Variants in TTC23 observed in about 807,000 individuals in gnomAD.
TTC23 encodes the protein tetratricopeptide repeat protein 23.
In TTC23, 58 loss-of-function variants were observed where a neutral mutation model predicts 55.1. The ratio of observed to expected loss-of-function variants is 1.05; its 90% CI spans 0.85 to 1.31. The LOEUF (loss-of-function observed/expected upper bound fraction) is 1.31. Among genes scored for constraint, TTC23 ranks in the 50% most tolerant of loss-of-function variants. TTC23 has a pLI of 0.00. For missense variants in TTC23, 516 were observed against 534.4 expected (o/e 0.97, Z 0.34); for synonymous variants, 203 against 199.9 (o/e 1.02, Z -0.13).
At chr15:99,228,862 G>A in intron 4 of TTC23, 130 bp from the exon 5 acceptor site, 2 of 718,516 alleles carry the variant, frequency 2.8e-6, no homozygotes, top group South Asian at 2.5e-5. Flanking sequence ...GATTATGGTG[G>A]CTACTACTGA....
intron 12 of TTC23, among the ~76,000 whole-genome samples, chr15:99,141,799 A>G (rs1346755705): frequency 6.6e-6 from 1 of 152,268 alleles, no homozygotes; most frequent in Non-Finnish European, 1.5e-5. Context: ...CTTTGAAAAA[A>G]GTAACTATCA....
intron 9 of TTC23, among the ~76,000 whole-genome samples, chr15:99,187,463 AAAAAACAAAAC>A (rs1167224532): frequency 9.0e-6 from 1 of 111,580 alleles, no homozygotes; most frequent in East Asian, 2.0e-4. Flanking sequence ...AAAAAAAAAA[AAAAAACAAAAC>A]AAAAGAAACC....
chr15:99,146,501 A>G (rs1343468426), intron 12 of TTC23, among the ~76,000 whole-genome samples: 3 of 152,204 alleles, frequency 2.0e-5, no homozygotes, highest in Admixed American at 2.0e-4. Flanking sequence ...ATCCCTGGCC[A>G]TGTACCCATA....
intron 9 of TTC23, among the ~76,000 whole-genome samples, chr15:99,197,251 C>T (rs150321391): frequency 0.052 from 7,836 of 152,120 alleles, 219 homozygotes; most frequent in Non-Finnish European, 0.062. Context: ...TACAGGCGCC[C>T]GCCACCATGC....
chr15:99,142,943 C>A (rs560139632), intron 12 of TTC23, among the ~76,000 whole-genome samples: 43 of 152,328 alleles, frequency 2.8e-4, no homozygotes, highest in African/African-American at 9.9e-4. Context: ...TACCCCTAGA[C>A]CTTTGTCAAA....
At chr15:99,177,892 G>A (rs753089728) in intron 9 of TTC23, among the ~76,000 whole-genome samples, 1 of 152,148 alleles carries the variant, frequency 6.6e-6, no homozygotes, top group Non-Finnish European at 1.5e-5. Flanking sequence ...TCAAGAAAGT[G>A]AGTCAGGCTG....
chr15:99,156,448 G>A (rs2070586977), intron 11 of TTC23, 151 bp from the exon 12 acceptor site: 1 of 904,480 alleles, frequency 1.1e-6, no homozygotes, highest in Admixed American at 2.8e-5. Flanking sequence ...CTGCTATGAA[G>A]AGATACCTGA....
chr15:99,138,925 G>C (rs1395269483), intron 13 of TTC23, among the ~76,000 whole-genome samples: 1 of 152,184 alleles, frequency 6.6e-6, no homozygotes, highest in Non-Finnish European at 1.5e-5. Flanking sequence ...GGACGTAGGG[G>C]CCAGCCTTTA....
rs367854875 is a variant in TTC23 at position 99,205,645 on chromosome 15, G to GT, written c.582-5550dup. Among the ~76,000 whole-genome samples the GT allele has an allele frequency of 4.8e-3, 704 of 147,976 alleles. 9 individuals carry two copies. Among genetic ancestry groups the GT allele is most frequent in the African/African-American group, 0.016 (662 of 40,130 alleles). On this transcript the variant is annotated intron_variant, in intron 8 of 13. Transcript: ENST00000394132. The stretch of plus-strand genomic sequence containing the variant: ...GCATACAGAAATGCTACTGATTTTT[G>GT]TATGTTGATTTTGTATCCTGCAACT...
At chr15:99,152,455 C>A (rs1452431964) in intron 12 of TTC23, among the ~76,000 whole-genome samples, 2 of 152,096 alleles carry the variant, frequency 1.3e-5, no homozygotes, top group Non-Finnish European at 2.9e-5. Context: ...CGGCTCACTG[C>A]AACCTCTGCC....
intron 1 of TTC23, among the ~76,000 whole-genome samples, chr15:99,246,950 A>C (rs1371522122): frequency 6.6e-6 from 1 of 152,144 alleles, no homozygotes; most frequent in Non-Finnish European, 1.5e-5. Flanking sequence ...ACAAAAACCA[A>C]AAAAACCAAA....
intron 9 of TTC23, among the ~76,000 whole-genome samples, chr15:99,197,558 A>G (rs1792882229): frequency 6.6e-6 from 1 of 151,910 alleles, no homozygotes; most frequent in Non-Finnish European, 1.5e-5. Context: ...CTCTTTACAA[A>G]CTTATTTATC....
chr15:99,172,524 A>G (rs1231110205), intron 10 of TTC23, among the ~76,000 whole-genome samples: 1 of 152,216 alleles, frequency 6.6e-6, no homozygotes, highest in African/African-American at 2.4e-5. Flanking sequence ...GCCAGACCCT[A>G]TAACATGACA....
chr15:99,172,980 G>A (rs1158303336), intron 10 of TTC23, among the ~76,000 whole-genome samples: 1 of 152,154 alleles, frequency 6.6e-6, no homozygotes, highest in East Asian at 1.9e-4. Context: ...AGCATTCTAG[G>A]GCACAGATTC....
intron 10 of TTC23, among the ~76,000 whole-genome samples, chr15:99,167,327 T>C (rs2072260150): frequency 6.6e-6 from 1 of 152,158 alleles, no homozygotes; most frequent in Non-Finnish European, 1.5e-5. Context: ...GAAAACCACT[T>C]CTAGAATCCT....
intron 12 of TTC23, among the ~76,000 whole-genome samples, chr15:99,144,241 C>G (rs1485590430): frequency 1.3e-5 from 2 of 152,170 alleles, no homozygotes; most frequent in African/African-American, 2.4e-5. Flanking sequence ...GGATAGGTGC[C>G]GTCAGTTAGC....
chr15:99,209,893 C>A (rs2076907502), intron 8 of TTC23, among the ~76,000 whole-genome samples: 1 of 152,042 alleles, frequency 6.6e-6, no homozygotes, highest in Non-Finnish European at 1.5e-5. Context: ...TGCTACAACG[C>A]CTGGCTAATT....
intron 10 of TTC23, among the ~76,000 whole-genome samples, chr15:99,168,437 T>C (rs1343383067): frequency 6.6e-6 from 1 of 152,196 alleles, no homozygotes; most frequent in Non-Finnish European, 1.5e-5. Context: ...CAACCTCAAG[T>C]TCCTGTTACT....
chr15:99,244,443 G>C (rs554103302), intron 2 of TTC23, among the ~76,000 whole-genome samples: 1 of 152,168 alleles, frequency 6.6e-6, no homozygotes, highest in East Asian at 1.9e-4. Context: ...GACTAAATAA[G>C]TTCGGCAAGG....
Sources: allele counts gnomAD v4.1 joint callset (sites outside exome capture counted in the v4.1 genomes callset), GRCh38; gene constraint gnomAD v4.1.1; transcripts MANE v1.5; gene names NCBI Gene and HGNC (gene_info 2026-07-23, HGNC 2026-07-21).